The following GMPS variants were observed in gnomAD, a reference collection of about 807,000 sequenced individuals.
GMPS encodes the protein GMP synthase [glutamine-hydrolyzing].
Under a neutral mutation model 77.9 loss-of-function variants are expected in GMPS, and 15 were observed. The ratio of observed to expected loss-of-function variants is 0.19; its 90% CI spans 0.13 to 0.30. The LOEUF (loss-of-function observed/expected upper bound fraction) is 0.30. GMPS is among the 10% of genes least tolerant of loss of function. GMPS has a pLI of 1.00. For missense variants in GMPS, 590 were observed against 838.8 expected, an observed-to-expected ratio of 0.70 and a Z score of 3.66; for synonymous variants, 224 against 275.9, an observed-to-expected ratio of 0.81 and a Z score of 1.86.
At chr3:155,904,524 C>T (rs1479318527) in intron 4 of GMPS, among the ~76,000 whole-genome samples, 1 of 152,068 alleles carries the variant, frequency 6.6e-6, no homozygotes, top group African/African-American at 2.4e-5. Flanking sequence ...TCCTAGACCT[C>T]GTGATCTGTC....
chr3:155,888,644 G>A (rs1034557166), intron 1 of GMPS, among the ~76,000 whole-genome samples: 6 of 150,014 alleles, frequency 4.0e-5, no homozygotes, highest in Non-Finnish European at 7.4e-5. Flanking sequence ...GGGGTGCAAT[G>A]GTGTGATCTC....
intron 11 of GMPS, among the ~76,000 whole-genome samples, chr3:155,923,775 G>A (rs1755382597): frequency 6.6e-6 from 1 of 152,176 alleles, no homozygotes; most frequent in East Asian, 1.9e-4. Flanking sequence ...AGCTTTTGAA[G>A]TATACTATTC....
intron 2 of GMPS, among the ~76,000 whole-genome samples, chr3:155,894,149 T>C (rs1033430870): frequency 5.3e-5 from 8 of 152,250 alleles, no homozygotes; most frequent in African/African-American, 1.7e-4. Flanking sequence ...TTTGACAGCT[T>C]GTACCCTTAG....
At chr3:155,891,833 T>C (rs1021144644) in intron 1 of GMPS, among the ~76,000 whole-genome samples, 11 of 152,150 alleles carry the variant, frequency 7.2e-5, no homozygotes, top group Admixed American at 7.2e-4. Context: ...CTTGAACTCC[T>C]GACCTCAGGT....
At chr3:155,914,096 G>A (rs564743350) in intron 7 of GMPS, among the ~76,000 whole-genome samples, 13 of 151,858 alleles carry the variant, frequency 8.6e-5, no homozygotes, top group South Asian at 4.2e-4. Flanking sequence ...ACAGGCACCC[G>A]TCACCACACC....
chr3:155,920,862 A>C (rs923166931), intron 10 of GMPS, among the ~76,000 whole-genome samples: 5 of 152,196 alleles, frequency 3.3e-5, no homozygotes, highest in Non-Finnish European at 7.3e-5. Flanking sequence ...ATCTCAAGTG[A>C]TGCCTTTTCT....
intron 12 of GMPS, among the ~76,000 whole-genome samples, chr3:155,931,246 C>A (rs527442767): frequency 1.5e-3 from 223 of 151,552 alleles, no homozygotes; most frequent in Non-Finnish European, 1.8e-3. Context: ...TGCAGTGATA[C>A]GATCTCTCAG....
rs551571292 is a variant in GMPS, at chr3:155,893,926, T to G, written c.209+227T>G. ...TTAAAAGAACTTATCATTTGAGTAT[T>G]TTATGTTTTATAGGATTTGTGGGTC... On this transcript the variant is annotated intron_variant, in intron 2 of 15. Transcript: ENST00000496455. 1.4e-3 allele frequency among the ~76,000 whole-genome samples: 207 copies of G among 152,296 alleles called. 1 individual carries two copies. The highest frequency in any genetic ancestry group is 4.8e-3 in the African/African-American group (199 of 41,566).
In GMPS at chr3:155,934,906, T is replaced by G. The variant is rs1471011215; in HGVS notation, c.1677-10T>G. Reference sequence around the variant, plus strand: ...TAATTGCTGTATTATTTTTACCTCTTTGTTTCCAGAGTTGTTTATATATTT... The same window carrying G: ...TAATTGCTGTATTATTTTTACCTCTGTGTTTCCAGAGTTGTTTATATATTT... On this transcript the variant is annotated splice_polypyrimidine_tract_variant and intron_variant, in intron 13 of 15. Transcript: ENST00000496455. 2.6e-6 allele frequency: 4 copies of G among 1,541,148 alleles called. No individual in the cohort carries two copies. The highest frequency in any genetic ancestry group is 3.5e-4 in the Middle Eastern group (2 of 5,770).
chr3:155,919,355 A>G lies in GMPS; in HGVS notation c.1318+17A>G. On this transcript the variant is annotated intron_variant, in intron 10 of 15. Transcript: ENST00000496455. ...CATTTCCAGGTAAAAATTAGAACTG[A>G]ATTTTGTTTGATTCATCTTTAGACC... is the stretch of plus-strand genomic sequence containing the variant. The G allele has an allele frequency of 7.6e-7, 1 of 1,308,554 alleles. No homozygotes were observed. Among genetic ancestry groups the G allele is most frequent in the Non-Finnish European group, 1.1e-6 (1 of 919,230 alleles). The allele number at this position is 1,308,554 out of a possible 1,614,324, so 81.1% of individuals were successfully genotyped here. A position where few individuals can be genotyped will look rare whatever the true frequency, so the allele number is the denominator to read the frequency against.
intron 1 of GMPS, among the ~76,000 whole-genome samples, chr3:155,878,848 A>C (rs1043678355): frequency 6.6e-6 from 1 of 151,004 alleles, no homozygotes; most frequent in African/African-American, 2.4e-5. Context: ...TCGGGAGTCC[A>C]TGGTGTAATT....
chr3:155,879,150 C>T (rs1197819818), intron 1 of GMPS, among the ~76,000 whole-genome samples: 2 of 152,094 alleles, frequency 1.3e-5, no homozygotes, highest in East Asian at 3.8e-4. Flanking sequence ...TGGAAACACC[C>T]TCAGAGACAT....
intron 10 of GMPS, among the ~76,000 whole-genome samples, chr3:155,920,499 C>T (rs1037259258): frequency 6.7e-5 from 10 of 149,066 alleles, no homozygotes; most frequent in African/African-American, 2.5e-4. Context: ...CGCTTGAACC[C>T]GGGAGGCAGA....
intron 12 of GMPS, among the ~76,000 whole-genome samples, chr3:155,927,843 C>A (rs1246996308): frequency 6.6e-6 from 1 of 152,036 alleles, no homozygotes; most frequent in Non-Finnish European, 1.5e-5. Context: ...CCTTTCTGTG[C>A]CTTTCCAAGT....
chr3:155,925,604 A>C (rs1298705995), intron 12 of GMPS, among the ~76,000 whole-genome samples: 1 of 152,098 alleles, frequency 6.6e-6, no homozygotes, highest in East Asian at 1.9e-4. Context: ...TTTTTATAGA[A>C]TGTTTAGGGA....
chr3:155,914,230 G>A (rs2320318), intron 7 of GMPS, among the ~76,000 whole-genome samples, 189 bp from the exon 8 acceptor site: 24,947 of 152,150 alleles, frequency 0.16, 2,313 homozygotes, highest in Non-Finnish European at 0.21. Context: ...ATAGGCATGA[G>A]CCACCGGGCC....
intron 9 of GMPS, 89 bp downstream of exon 9, chr3:155,916,281 G>T: frequency 1.2e-6 from 1 of 830,312 alleles, no homozygotes; most frequent in South Asian, 1.6e-5. Flanking sequence ...TCACAGAATT[G>T]CATAACCATC....
rs1755920605 is a variant in GMPS at position 155,942,666 on chromosome 3, G to C, written c.*4974G>C. 1 of 229,116 alleles carries C rather than the reference G, an allele frequency of 4.4e-6. No individual in the cohort carries two copies. Among genetic ancestry groups the C allele is most frequent in the Admixed American group, 5.7e-5 (1 of 17,670 alleles). 14.2% of individuals were successfully genotyped at this position (229,116 alleles called of 1,614,324 possible). Reference sequence around the variant, plus strand: ...CTGACATACTTGTTGCTAATTTTGAGATCTGGGCAACAACTGTGTAGGCTG... The same window carrying C: ...CTGACATACTTGTTGCTAATTTTGACATCTGGGCAACAACTGTGTAGGCTG... On this transcript the variant is annotated 3_prime_UTR_variant, in exon 16 of 16. Transcript: ENST00000496455.
intron 9 of GMPS, among the ~76,000 whole-genome samples, chr3:155,917,370 C>T (rs1215277381): frequency 1.3e-5 from 2 of 152,152 alleles, no homozygotes; most frequent in Non-Finnish European, 1.5e-5. Context: ...GCAAAACAAA[C>T]TCTATACCCG....
Sources: gnomAD v4.1 joint callset for allele counts (sites outside exome capture counted in the v4.1 genomes callset) on GRCh38, gnomAD v4.1.1 for gene constraint, MANE v1.5 for transcripts, NCBI Gene and HGNC (gene_info 2026-07-23, HGNC 2026-07-21) for gene names.